Variants in LEKR1 observed in about 807,000 individuals in gnomAD.
The protein encoded by LEKR1 is leucine, glutamate and lysine rich 1, also known as protein LEKR1.
LEKR1 carries 59 observed loss-of-function variants against 72.4 expected under a neutral mutation model. The observed-to-expected ratio is 0.82, with a 90% CI of 0.66 to 1.01. The LOEUF is 1.01. Among genes scored for constraint, LEKR1 ranks in the 50% least tolerant of loss-of-function variants. The pLI is 0.00. For missense variants in LEKR1, 728 were observed against 759.2 expected (o/e 0.96, Z 0.48); for synonymous variants, 257 against 263.2 (o/e 0.98, Z 0.23).
chr3:156,952,070 A>G (rs1727206714), intron 6 of LEKR1, among the ~76,000 whole-genome samples: 1 of 151,532 alleles, frequency 6.6e-6, no homozygotes, highest in Non-Finnish European at 1.5e-5. Flanking sequence ...TCAAAATGAT[A>G]TATAGGGTTT....
intron 10 of LEKR1, among the ~76,000 whole-genome samples, chr3:157,013,102 A>G (rs1192853825): frequency 1.3e-5 from 2 of 152,134 alleles, no homozygotes; most frequent in Admixed American, 6.6e-5. Context: ...CAATTTGTCA[A>G]TATGTACCAA....
chr3:157,020,291 A>ATTG (rs1733718609), intron 10 of LEKR1, among the ~76,000 whole-genome samples: 3 of 140,184 alleles, frequency 2.1e-5, no homozygotes, highest in African/African-American at 8.0e-5. Context: ...TATTATTATT[A>ATTG]TTATACTTTA....
At chr3:156,915,455 C>T (rs891926836) in intron 3 of LEKR1, among the ~76,000 whole-genome samples, 2 of 151,310 alleles carry the variant, frequency 1.3e-5, no homozygotes, top group Non-Finnish European at 2.9e-5. Context: ...GCCATTCTGA[C>T]TGGTGTGAGA....
At chr3:156,924,238 C>T (rs1469529911) in intron 4 of LEKR1, among the ~76,000 whole-genome samples, 2 of 152,098 alleles carry the variant, frequency 1.3e-5, no homozygotes, top group Non-Finnish European at 2.9e-5. Context: ...TGATGTTGAG[C>T]ATCTTTTCAT....
intron 10 of LEKR1, among the ~76,000 whole-genome samples, chr3:157,020,874 A>G (rs1733781079): frequency 6.6e-6 from 1 of 151,576 alleles, no homozygotes; most frequent in Non-Finnish European, 1.5e-5. Flanking sequence ...ACAATGGTTG[A>G]ACTAGTTTAC....
chr3:156,863,097 G>C (rs1716946641), intron 3 of LEKR1, among the ~76,000 whole-genome samples: 1 of 152,008 alleles, frequency 6.6e-6, no homozygotes, highest in Admixed American at 6.6e-5. Flanking sequence ...CTTTTTGTAG[G>C]AGTAGGAATA....
chr3:157,012,519 A>T (rs1732974365), intron 10 of LEKR1, among the ~76,000 whole-genome samples: 1 of 152,144 alleles, frequency 6.6e-6, no homozygotes. Flanking sequence ...CAGCATACTG[A>T]AACCCTTTAG....
chr3:156,928,289 A>T (rs115944496), intron 5 of LEKR1, among the ~76,000 whole-genome samples: 2,265 of 152,070 alleles, frequency 0.015, 25 homozygotes, highest in Non-Finnish European at 0.024. Flanking sequence ...TGTAAACTAT[A>T]AATTTTGGGT....
chr3:156,979,266 A>AT lies in LEKR1; in HGVS notation c.818_819insT (p.Glu273AspfsTer6), dbSNP rs200834448. 0.016 allele frequency: 20,411 copies of AT among 1,278,364 alleles called. 210 individuals are homozygous for AT. Among genetic ancestry groups the AT allele is most frequent in the Non-Finnish European group, 0.018 (17,821 of 977,438 alleles). 79.2% of individuals were successfully genotyped at this position (1,278,364 alleles called of 1,614,324 possible). ...GTGACAGAGATGGACAACTATAAAG[A>AT]AATGCTTATGTAAGATGGAGAATAT... is the stretch of plus-strand genomic sequence containing the variant. On this transcript the variant is annotated frameshift_variant, in exon 7 of 13. Coordinates refer to ENST00000356539, the MANE Select transcript of LEKR1 (RefSeq NM_001004316.3). LOFTEE classifies it high-confidence loss of function.
chr3:156,891,619 G>A (rs1720676648), intron 3 of LEKR1, among the ~76,000 whole-genome samples: 1 of 152,192 alleles, frequency 6.6e-6, no homozygotes, highest in Admixed American at 6.5e-5. Context: ...ATGTGGTTCA[G>A]TTTCTTGTGA....
rs899356598 is a variant in LEKR1 at position 156,900,089 on chromosome 3, T to C, written c.264-20486T>C. 3.3e-5 allele frequency among the ~76,000 whole-genome samples: 5 copies of C among 152,182 alleles called. No individual in the cohort carries two copies. In the South Asian group the frequency reaches 8.3e-4, roughly 25 times the overall value. The stretch of plus-strand genomic sequence containing the variant: ...ATGCCTAGGAGGTATCTAGAATAAA[T>C]GAGTAAAACAGACTGGTGGGGGGAA... On this transcript the variant is annotated intron_variant, in intron 3 of 12. Coordinates refer to ENST00000356539, the MANE Select transcript of LEKR1 (RefSeq NM_001004316.3).
At chr3:156,850,910 A>C (rs2108537088) in intron 2 of LEKR1, among the ~76,000 whole-genome samples, 1 of 152,326 alleles carries the variant, frequency 6.6e-6, no homozygotes, top group Middle Eastern at 3.4e-3. Flanking sequence ...GTATTTTTAA[A>C]ATCAGGGGTT....
intron 3 of LEKR1, among the ~76,000 whole-genome samples, chr3:156,880,680 G>A (rs1229531205): frequency 2.0e-5 from 3 of 152,098 alleles, no homozygotes; most frequent in African/African-American, 4.8e-5. Context: ...TACCAAAGCC[G>A]GGCAGAGACA....
chr3:157,031,742 G>T (rs1410870229), intron 12 of LEKR1, among the ~76,000 whole-genome samples: 1 of 152,048 alleles, frequency 6.6e-6, no homozygotes, highest in Non-Finnish European at 1.5e-5. Flanking sequence ...ATAAATTAAT[G>T]GTCTAATAAG....
chr3:157,007,084 C>T (rs928634037), intron 9 of LEKR1, among the ~76,000 whole-genome samples: 1 of 152,140 alleles, frequency 6.6e-6, no homozygotes, highest in Non-Finnish European at 1.5e-5. Context: ...CGCCTGTAGT[C>T]CCAGCTACTC....
intron 9 of LEKR1, among the ~76,000 whole-genome samples, chr3:157,007,000 C>G (rs768394588): frequency 2.6e-5 from 4 of 152,078 alleles, no homozygotes; most frequent in African/African-American, 7.2e-5. Flanking sequence ...AGGAGCGAGA[C>G]CATCCTGGCT....
intron 3 of LEKR1, among the ~76,000 whole-genome samples, chr3:156,887,748 G>C (rs1346722653): frequency 1.3e-5 from 2 of 151,980 alleles, no homozygotes; most frequent in African/African-American, 4.8e-5. Context: ...CATAGTTTTT[G>C]TGTTACAGTT....
intron 10 of LEKR1, among the ~76,000 whole-genome samples, chr3:157,020,934 G>A (rs1423167774): frequency 6.6e-6 from 1 of 150,950 alleles, no homozygotes. Context: ...ATCCTCTCCA[G>A]CACCTGTTGT....
At chr3:156,996,892 C>G (rs967979626) in intron 9 of LEKR1, among the ~76,000 whole-genome samples, 4 of 151,964 alleles carry the variant, frequency 2.6e-5, no homozygotes, top group Non-Finnish European at 5.9e-5. Context: ...TAGTGAAACC[C>G]CGTCTCTTCT....
Sources: gnomAD v4.1 joint callset for allele counts (sites outside exome capture counted in the v4.1 genomes callset) on GRCh38, gnomAD v4.1.1 for gene constraint, MANE v1.5 for transcripts, NCBI Gene and HGNC (gene_info 2026-07-23, HGNC 2026-07-21) for gene names.